UBE4B: variants seen among roughly 807,000 people sequenced by gnomAD.
The protein encoded by UBE4B is ubiquitination factor E4B, also known as ubiquitin conjugation factor E4 B.
A neutral mutation model predicts 148.1 loss-of-function variants in UBE4B; 27 were observed. That is an observed-to-expected ratio of 0.18 (90% CI 0.13 to 0.25). The LOEUF is 0.25. Ranked by LOEUF, UBE4B falls within the 10% of genes least tolerant of loss-of-function variation. The pLI, the probability that UBE4B is intolerant of heterozygous loss-of-function variation, is 1.00. For missense variants in UBE4B, 1,170 were observed against 1,662.4 expected (o/e 0.70, Z 5.15); for synonymous variants, 596 against 619.3 (o/e 0.96, Z 0.56).
At chr1:10,049,927 G>A (rs1234337119) in intron 1 of UBE4B, among the ~76,000 whole-genome samples, 2 of 151,762 alleles carry the variant, frequency 1.3e-5, no homozygotes, top group South Asian at 4.1e-4. Context: ...AAATAAGTCT[G>A]TGGTGAAGAG....
chr1:10,107,521 T>C, intron 7 of UBE4B: 5 of 768,060 alleles, frequency 6.5e-6, no homozygotes, highest in South Asian at 2.7e-5. Flanking sequence ...TGTTCAGACC[T>C]TCTCATGGGA....
At chr1:10,175,674 TAAAA>T (rs1478209232) in intron 25 of UBE4B, among the ~76,000 whole-genome samples, 10 of 150,994 alleles carry the variant, frequency 6.6e-5, no homozygotes, top group African/African-American at 1.2e-4. Context: ...AATAAATAAA[TAAAA>T]AAGAAAATAA....
intron 2 of UBE4B, among the ~76,000 whole-genome samples, chr1:10,090,859 AG>A (rs1189440679): frequency 6.6e-6 from 1 of 151,316 alleles, no homozygotes; most frequent in Non-Finnish European, 1.5e-5. Flanking sequence ...TAATGTTACA[AG>A]TTAAAGGTAG....
chr1:10,167,370 C>T (rs535491422), intron 23 of UBE4B, among the ~76,000 whole-genome samples: 86 of 151,298 alleles, frequency 5.7e-4, no homozygotes, highest in African/African-American at 2.0e-3. Flanking sequence ...ACCTGGGAGG[C>T]GGAGGTTCCG....
chr1:10,156,239 CTTTTTTTT>C (rs199801311), intron 21 of UBE4B, among the ~76,000 whole-genome samples: 1 of 123,774 alleles, frequency 8.1e-6, no homozygotes, highest in Non-Finnish European at 1.7e-5. Context: ...ATTTTCTTTT[CTTTTTTTT>C]TTTTTTTTTT....
intron 2 of UBE4B, among the ~76,000 whole-genome samples, chr1:10,078,036 G>T: frequency 6.6e-6 from 1 of 151,206 alleles, no homozygotes; most frequent in East Asian, 1.9e-4. Flanking sequence ...TTGAGACGGA[G>T]TCTCTCTCTG....
At chr1:10,102,806 C>A in intron 4 of UBE4B, 142 bp from the exon 5 acceptor site, 1 of 843,636 alleles carries the variant, frequency 1.2e-6, no homozygotes, top group Non-Finnish European at 1.8e-6. Context: ...TTACTTTTCC[C>A]CTAATCAGTG....
intron 17 of UBE4B, 129 bp downstream of exon 17, chr1:10,137,334 C>A: frequency 2.6e-6 from 3 of 1,150,866 alleles, no homozygotes; most frequent in Non-Finnish European, 3.7e-6. Context: ...GTTCTGTCTG[C>A]CTCCACCGCC....
intron 1 of UBE4B, among the ~76,000 whole-genome samples, chr1:10,048,145 G>A (rs1041994567): frequency 5.9e-5 from 9 of 152,136 alleles, no homozygotes; most frequent in South Asian, 2.1e-4. Flanking sequence ...CACTGCATCC[G>A]TCCTGAATGC....
intron 1 of UBE4B, among the ~76,000 whole-genome samples, chr1:10,043,400 A>G (rs1327296106): frequency 7.2e-6 from 1 of 139,628 alleles, no homozygotes; most frequent in Non-Finnish European, 1.6e-5. Flanking sequence ...ACATTTTAAT[A>G]TCTTTGAAAT....
intron 21 of UBE4B, among the ~76,000 whole-genome samples, chr1:10,156,432 G>A (rs1646073284): frequency 6.6e-6 from 1 of 151,936 alleles, no homozygotes; most frequent in South Asian, 2.1e-4. Context: ...TAGAGACGGG[G>A]TTTCACGATG....
intron 11 of UBE4B, 32 bp downstream of exon 11, chr1:10,126,909 C>T: frequency 1.2e-5 from 19 of 1,528,002 alleles, no homozygotes; most frequent in Non-Finnish European, 1.7e-5. Flanking sequence ...TTAACTCATT[C>T]AATAGATGTT....
intron 7 of UBE4B, among the ~76,000 whole-genome samples, chr1:10,115,421 A>G (rs1481369530): frequency 1.3e-5 from 2 of 151,870 alleles, no homozygotes; most frequent in African/African-American, 4.8e-5. Flanking sequence ...GGCACACGCC[A>G]CCATGCCTGG....
chr1:10,061,865 C>G lies in UBE4B; in HGVS notation c.25-10163C>G, dbSNP rs527797721. Among the ~76,000 whole-genome samples, 9 of 151,414 alleles carry G rather than the reference C, an allele frequency of 5.9e-5. No homozygotes were observed. In the East Asian group the frequency reaches 1.7e-3, roughly 29 times the overall value. The stretch of plus-strand genomic sequence containing the variant: ...GTCAGTTACTTACTGTGTTGCTATA[C>G]GTGTGTAGTGTGTGCTGATCTCACT... On this transcript the variant is annotated intron_variant, in intron 1 of 27. Coordinates refer to ENST00000343090, the MANE Select transcript of UBE4B (RefSeq NM_001105562.3).
At position 10,122,174 on chromosome 1, in the gene UBE4B, A is replaced by G. The variant is rs1276110476; in HGVS notation, c.1554+98A>G. On this transcript the variant is annotated intron_variant, in intron 10 of 27. Coordinates refer to ENST00000343090, the MANE Select transcript of UBE4B (RefSeq NM_001105562.3). Reference sequence around the variant, plus strand: ...TGAAAACTTTTGCCTGAATTCGAACATCCATGTGTTATTAGAGAGAAGGCC... The same window carrying G: ...TGAAAACTTTTGCCTGAATTCGAACGTCCATGTGTTATTAGAGAGAAGGCC... The G allele has an allele frequency of 5.4e-6, 4 of 735,528 alleles. No individual in the cohort carries two copies. The African/African-American group carries it at 7.0e-5, about 13-fold the overall frequency. 45.6% of individuals were successfully genotyped at this position (735,528 alleles called of 1,614,324 possible).
chr1:10,114,541 A>C (rs1645275024), intron 7 of UBE4B, among the ~76,000 whole-genome samples: 1 of 152,108 alleles, frequency 6.6e-6, no homozygotes, highest in Non-Finnish European at 1.5e-5. Flanking sequence ...TTAATTAATA[A>C]AGTATACCAA....
In UBE4B at chr1:10,033,367, G is replaced by T; in HGVS notation, c.-304G>T. 1 of 289,470 alleles carries T rather than the reference G, an allele frequency of 3.5e-6. No homozygotes were observed. Among genetic ancestry groups the T allele is most frequent in the East Asian group, 5.7e-5 (1 of 17,656 alleles). The allele number at this position is 289,470 out of a possible 1,614,324, so 17.9% of individuals were successfully genotyped here. A position where few individuals can be genotyped will look rare whatever the true frequency, so the allele number is the denominator to read the frequency against. On this transcript the variant is annotated 5_prime_UTR_variant, in exon 1 of 28. Coordinates refer to ENST00000343090, the MANE Select transcript of UBE4B (RefSeq NM_001105562.3). ...CCGCGCTGCCTAGCTGGGTAACCTGGGAAGCAGAGGGTAATAAGTGGCGCC... is the reference window on the plus strand; with the variant it reads ...CCGCGCTGCCTAGCTGGGTAACCTGTGAAGCAGAGGGTAATAAGTGGCGCC...
At chr1:10,119,489 C>T (rs1354693520) in intron 8 of UBE4B, 24 bp from the exon 9 acceptor site, 2 of 1,610,838 alleles carry the variant, frequency 1.2e-6, no homozygotes, top group Non-Finnish European at 8.5e-7. Context: ...TCTTGTCGTC[C>T]TCACTTCCAC....
chr1:10,131,466 C>T (rs1454475244), intron 14 of UBE4B, among the ~76,000 whole-genome samples: 1 of 151,894 alleles, frequency 6.6e-6, no homozygotes, highest in Admixed American at 6.6e-5. Context: ...GCCTGGGCGA[C>T]AGAGCAAGAC....
Sources: allele counts gnomAD v4.1 joint callset (sites outside exome capture counted in the v4.1 genomes callset), GRCh38; gene constraint gnomAD v4.1.1; transcripts MANE v1.5; gene names NCBI Gene and HGNC (gene_info 2026-07-23, HGNC 2026-07-21).